The following RNPS1 variants were observed in gnomAD, a reference collection of about 807,000 sequenced individuals.
RNPS1 encodes the protein RNA binding protein with serine rich domain 1, also known as RNA-binding protein with serine-rich domain 1.
For synonymous variants in RNPS1, 147 were observed against 150.0 expected, an observed-to-expected ratio of 0.98 and a Z score of 0.15; for missense variants, 300 against 427.6, an observed-to-expected ratio of 0.70 and a Z score of 2.63.
At chr16:2,254,152 T>C in intron 7 of RNPS1, 89 bp from the exon 8 acceptor site, 2 of 970,070 alleles carry the variant, frequency 2.1e-6, no homozygotes, top group Non-Finnish European at 2.9e-6. Flanking sequence ...AGTTTTACTT[T>C]TTGAGATGGA....
intron 6 of RNPS1, among the ~76,000 whole-genome samples, chr16:2,259,558 G>C (rs2093593482): frequency 1.3e-5 from 2 of 152,174 alleles, no homozygotes; most frequent in African/African-American, 4.8e-5. Flanking sequence ...TGCAGATTGT[G>C]ACATCAGAAT....
Position 2,264,733 on chromosome 16 carries a change from T to C in RNPS1, c.-90A>G. On this transcript the variant is annotated 5_prime_UTR_variant, in exon 2 of 8. Coordinates refer to ENST00000320225, the MANE Select transcript of RNPS1 (RefSeq NM_080594.4). ...CTTGATTCTGAGAAACGATCCCTAATCGATTGCAATTTACGCCAAAGAGCA... is the reference window on the plus strand; with the variant it reads ...CTTGATTCTGAGAAACGATCCCTAACCGATTGCAATTTACGCCAAAGAGCA... 6.3e-7 allele frequency: 1 copy of C among 1,578,012 alleles called. No individual in the cohort carries two copies. Among genetic ancestry groups the C allele is most frequent in the Non-Finnish European group, 8.6e-7 (1 of 1,169,404 alleles).
intron 6 of RNPS1, among the ~76,000 whole-genome samples, chr16:2,260,060 C>T (rs541927787): frequency 5.9e-5 from 9 of 151,778 alleles, no homozygotes; most frequent in East Asian, 5.8e-4. Flanking sequence ...ATTAAGTATA[C>T]GCCTAGGAAC....
At position 2,267,999 on chromosome 16, in the gene RNPS1, G is replaced by T. The variant is rs1190024139; in HGVS notation, c.-118+56C>A. 6.5e-6 allele frequency: 10 copies of T among 1,533,376 alleles called. No homozygotes were observed. In the Admixed American group the frequency reaches 1.8e-4, roughly 27 times the overall value. 95.0% of individuals were successfully genotyped at this position (1,533,376 alleles called of 1,614,324 possible). A position where few individuals can be genotyped will look rare whatever the true frequency, so the allele number is the denominator to read the frequency against. On this transcript the variant is annotated intron_variant, in intron 1 of 7. Transcript: ENST00000320225. ...GACCGGCTTCACGAGGCGTCCTGCC[G>T]GGCCTGCCGGGCAGCCCCCGAAACA...
Position 2,255,635 on chromosome 16 carries a change from C to G in RNPS1, c.768G>C (p.Met256Ile). The change falls in exon 7 of 8, where the codon ATG becomes ATC. Residue 256 changes from methionine to isoleucine, a missense_variant. Transcript: ENST00000320225. ...TGCGCCACATAGGCGGTGGTGGCAACATTCTCCTGGGAGGGCTGAATCTCC... is the reference window on the plus strand; with the variant it reads ...TGCGCCACATAGGCGGTGGTGGCAAGATTCTCCTGGGAGGGCTGAATCTCC... Reference protein sequence around the residue: ...PPRRFSPPRRMLPPPPMWRRS... With the variant: ...PPRRFSPPRRILPPPPMWRRS... 6.2e-7 allele frequency: 1 copy of G among 1,609,912 alleles called. No homozygotes were observed. Among genetic ancestry groups the G allele is most frequent in the Non-Finnish European group, 8.5e-7 (1 of 1,178,176 alleles).
chr16:2,256,182 G>C (rs1226117395), intron 6 of RNPS1: 1 of 187,404 alleles, frequency 5.3e-6, no homozygotes, highest in Non-Finnish European at 1.1e-5. Context: ...ATGAGGAAAA[G>C]AGGCATAAAA....
chr16:2,259,503 A>G (rs1484836724), intron 6 of RNPS1, among the ~76,000 whole-genome samples: 1 of 152,252 alleles, frequency 6.6e-6, no homozygotes, highest in Admixed American at 6.5e-5. Context: ...ATAATCAGCT[A>G]TAGAGTTCTA....
intron 4 of RNPS1, 79 bp downstream of exon 4, chr16:2,263,017 T>C: frequency 1.4e-6 from 2 of 1,478,878 alleles, no homozygotes; most frequent in Non-Finnish European, 1.8e-6. Context: ...AGACTCCTTT[T>C]GGGTCCCTTT....
chr16:2,261,303 C>G (rs1179219415), intron 6 of RNPS1, among the ~76,000 whole-genome samples: 1 of 152,164 alleles, frequency 6.6e-6, no homozygotes, highest in Non-Finnish European at 1.5e-5. Context: ...CAACCTACTT[C>G]TATGTGTGGC....
intron 1 of RNPS1, chr16:2,266,858 A>T (rs2093626953): frequency 2.5e-6 from 1 of 401,074 alleles, no homozygotes; most frequent in Admixed American, 6.4e-5. Flanking sequence ...ATCTAATAAA[A>T]GTTTGCTTTT....
chr16:2,260,675 G>A (rs1236115856), intron 6 of RNPS1, among the ~76,000 whole-genome samples: 2 of 152,114 alleles, frequency 1.3e-5, no homozygotes, highest in East Asian at 1.9e-4. Context: ...GCTGGGCTTG[G>A]GTTTAAAAAG....
At chr16:2,267,182 C>G in intron 1 of RNPS1, 1 of 985,422 alleles carries the variant, frequency 1.0e-6, no homozygotes, top group Non-Finnish European at 1.2e-6. Flanking sequence ...CACCCAAGTT[C>G]AGGTACCGGC....
chr16:2,262,672 G>T, intron 5 of RNPS1, 68 bp downstream of exon 5: 1 of 1,387,030 alleles, frequency 7.2e-7, no homozygotes, highest in Non-Finnish European at 1.0e-6. Flanking sequence ...TACATTCTAA[G>T]TTCATCTGCA....
rs543942569 is a variant in RNPS1 at position 2,256,223 on chromosome 16, G to A, written c.677-497C>T. The A allele has an allele frequency of 1.2e-4, 20 of 166,466 alleles. No individual in the cohort carries two copies. In the East Asian group the frequency reaches 3.5e-3, roughly 29 times the overall value. 10.3% of individuals were successfully genotyped at this position (166,466 alleles called of 1,614,324 possible). ...CAGGACACACCAATCTCCACGTGTC[G>A]AGGCAGCCTCCCAGGTCAAGAGTCA... On this transcript the variant is annotated intron_variant, in intron 6 of 7. Coordinates refer to ENST00000320225, the MANE Select transcript of RNPS1 (RefSeq NM_080594.4).
At chr16:2,263,065 A>G (rs200314453) in intron 4 of RNPS1, 31 bp downstream of exon 4, 107 of 1,603,206 alleles carry the variant, frequency 6.7e-5, no homozygotes, top group Middle Eastern at 6.4e-4. Flanking sequence ...CCGAGCTTGT[A>G]AACTTTAGCT....
intron 3 of RNPS1, 26 bp from the exon 4 acceptor site, chr16:2,263,313 C>A: frequency 6.2e-7 from 1 of 1,610,842 alleles, no homozygotes; most frequent in Non-Finnish European, 8.5e-7. Flanking sequence ...GGGGTCACAA[C>A]CACCACACAC....
chr16:2,264,813 G>C, intron 1 of RNPS1, 53 bp from the exon 2 acceptor site: 1 of 1,407,602 alleles, frequency 7.1e-7, no homozygotes, highest in Non-Finnish European at 9.3e-7. Flanking sequence ...AAGGCAACAA[G>C]TCTACTTTGC....
intron 1 of RNPS1, 32 bp downstream of exon 1, chr16:2,268,023 C>T: frequency 6.5e-7 from 1 of 1,533,862 alleles, no homozygotes; most frequent in Non-Finnish European, 8.7e-7. Flanking sequence ...GCCCCCGAAA[C>T]ACGGATGCAG....
intron 1 of RNPS1, chr16:2,267,492 G>A (rs1339387142): frequency 2.1e-5 from 21 of 1,003,134 alleles, no homozygotes; most frequent in South Asian, 3.8e-5. Context: ...ACGGCCTAGC[G>A]CCGATAATTG....
Sources: gnomAD v4.1 joint callset for allele counts (sites outside exome capture counted in the v4.1 genomes callset) on GRCh38, gnomAD v4.1.1 for gene constraint, MANE v1.5 for transcripts, NCBI Gene and HGNC (gene_info 2026-07-23, HGNC 2026-07-21) for gene names.